The following GALNT13 variants were observed in gnomAD, a reference collection of about 807,000 sequenced individuals.
GALNT13 encodes UDP-GalNAc:polypeptide N-acetylgalactosaminyltransferase 13.
In GALNT13, 28 loss-of-function variants were observed where a neutral mutation model predicts 64.2. The ratio of observed to expected loss-of-function variants is 0.44; its 90% CI spans 0.32 to 0.60. The LOEUF (loss-of-function observed/expected upper bound fraction) is 0.60. Ranked by LOEUF, GALNT13 falls within the 20% of genes least tolerant of loss-of-function variation. The pLI, the probability that GALNT13 is intolerant of heterozygous loss-of-function variation, is 0.05. For synonymous variants in GALNT13, 214 were observed against 224.6 expected, an observed-to-expected ratio of 0.95 and a Z score of 0.42; for missense variants, 577 against 669.8, an observed-to-expected ratio of 0.86 and a Z score of 1.53.
the GALNT13 span, among the ~76,000 whole-genome samples, chr2:153,635,822 T>C: frequency 6.6e-6 from 1 of 152,194 alleles, no homozygotes; most frequent in Non-Finnish European, 1.5e-5. Flanking sequence ...AGTTTGAGGC[T>C]TTAATTTCTT....
the GALNT13 span, among the ~76,000 whole-genome samples, chr2:153,115,711 A>G: frequency 2.6e-5 from 4 of 152,180 alleles, no homozygotes. Context: ...AAAATAAAAT[A>G]AGTCATTTAA....
chr2:154,252,523 A>AT (rs1690128805), intron 7 of GALNT13, among the ~76,000 whole-genome samples: 1 of 150,660 alleles, frequency 6.6e-6, no homozygotes, highest in Admixed American at 6.6e-5. Flanking sequence ...TGCCCGGCTA[A>AT]TTTTTTGTAT....
chr2:153,487,672 A>T, the GALNT13 span, among the ~76,000 whole-genome samples: 1 of 152,236 alleles, frequency 6.6e-6, no homozygotes, highest in South Asian at 2.1e-4. Flanking sequence ...ATGATACATG[A>T]GCTGAGTCAT....
intron 3 of GALNT13, among the ~76,000 whole-genome samples, chr2:154,119,231 TC>T (rs1681787377): frequency 2.6e-5 from 4 of 152,188 alleles, no homozygotes; most frequent in Admixed American, 1.3e-4. Flanking sequence ...TTTTCTTTTT[TC>T]TTCAGCACTT....
At chr2:154,366,401 T>A (rs1017414904) in intron 9 of GALNT13, among the ~76,000 whole-genome samples, 7 of 152,212 alleles carry the variant, frequency 4.6e-5, no homozygotes, top group African/African-American at 1.7e-4. Flanking sequence ...ACATATTTAA[T>A]CATGAGCACT....
the GALNT13 span, among the ~76,000 whole-genome samples, chr2:153,713,909 T>C: frequency 6.6e-6 from 1 of 152,180 alleles, no homozygotes; most frequent in Non-Finnish European, 1.5e-5. Context: ...AGTGATACAA[T>C]TTGCTGCCAT....
At chr2:153,905,278 T>C (rs1444678) in intron 2 of GALNT13, among the ~76,000 whole-genome samples, 107,576 of 151,724 alleles carry the variant, frequency 0.71, 38,445 homozygotes, top group East Asian at 0.9. Context: ...ACATAATATA[T>C]ACAGCATTTC....
At chr2:153,290,347 T>C in the GALNT13 span, among the ~76,000 whole-genome samples, 15 of 152,222 alleles carry the variant, frequency 9.9e-5, no homozygotes, top group Non-Finnish European at 2.9e-5. Flanking sequence ...AAAGCATTAT[T>C]GAAAATTAAA....
At chr2:153,279,826 T>A in the GALNT13 span, among the ~76,000 whole-genome samples, 3 of 152,138 alleles carry the variant, frequency 2.0e-5, no homozygotes, top group Admixed American at 6.5e-5. Flanking sequence ...TGTTTTTATT[T>A]TTTTTTTCAT....
the GALNT13 span, among the ~76,000 whole-genome samples, chr2:153,512,488 G>A: frequency 6.6e-6 from 1 of 152,174 alleles, no homozygotes; most frequent in Non-Finnish European, 1.5e-5. Context: ...TGGTGGTTAA[G>A]AGTGTGAGCT....
At chr2:153,964,067 T>C (rs1574219878) in intron 3 of GALNT13, among the ~76,000 whole-genome samples, 1 of 94,164 alleles carries the variant, frequency 1.1e-5, no homozygotes, top group Non-Finnish European at 2.9e-5. Context: ...TTAAAGTTCC[T>C]TTTTTTTCCC....
chr2:154,201,543 T>G (rs530043606), intron 4 of GALNT13, among the ~76,000 whole-genome samples: 14 of 152,194 alleles, frequency 9.2e-5, no homozygotes, highest in South Asian at 4.1e-4. Flanking sequence ...TTGGGCCCCT[T>G]AGATAACTGT....
At chr2:153,979,084 G>T (rs1017643136) in intron 3 of GALNT13, among the ~76,000 whole-genome samples, 1 of 151,962 alleles carries the variant, frequency 6.6e-6, no homozygotes, top group African/African-American at 2.4e-5. Context: ...CACTCTGAAA[G>T]GTTAATAACA....
intron 11 of GALNT13, among the ~76,000 whole-genome samples, chr2:154,412,748 A>G (rs1699849123): frequency 6.6e-6 from 1 of 151,814 alleles, no homozygotes; most frequent in African/African-American, 2.4e-5. Context: ...TGTAGCAGGA[A>G]TACTGCAAAA....
At chr2:153,363,932 C>A in the GALNT13 span, among the ~76,000 whole-genome samples, 1 of 151,854 alleles carries the variant, frequency 6.6e-6, no homozygotes, top group African/African-American at 2.4e-5. Context: ...AGAGACACAA[C>A]AAAAAAAGAA....
chr2:153,726,826 G>A, the GALNT13 span, among the ~76,000 whole-genome samples: 1 of 151,654 alleles, frequency 6.6e-6, no homozygotes, highest in Non-Finnish European at 1.5e-5. Context: ...TGTAGTCCCA[G>A]CTACTCAGGA....
intron 2 of GALNT13, among the ~76,000 whole-genome samples, chr2:153,938,993 T>C (rs1407834933): frequency 6.6e-6 from 1 of 152,124 alleles, no homozygotes; most frequent in African/African-American, 2.4e-5. Flanking sequence ...AGGGCGTATG[T>C]AAGAGAAGCG....
At chr2:153,406,778 G>A in the GALNT13 span, among the ~76,000 whole-genome samples, 4 of 152,020 alleles carry the variant, frequency 2.6e-5, no homozygotes, top group Admixed American at 6.6e-5. Context: ...TAAGTAGTTC[G>A]TCCAACAAGT....
At chr2:153,160,227 T>C in the GALNT13 span, among the ~76,000 whole-genome samples, 1 of 152,162 alleles carries the variant, frequency 6.6e-6, no homozygotes, top group African/African-American at 2.4e-5. Flanking sequence ...TAATAATTTA[T>C]TCAAAACTAT....
Sources: gnomAD v4.1 joint callset for allele counts (sites outside exome capture counted in the v4.1 genomes callset) on GRCh38, gnomAD v4.1.1 for gene constraint, MANE v1.5 for transcripts, NCBI Gene and HGNC (gene_info 2026-07-23, HGNC 2026-07-21) for gene names.